CADM2: variants seen among roughly 807,000 people sequenced by gnomAD.
CADM2 encodes the protein cell adhesion molecule 2, also known as immunoglobulin superfamily member 4D.
A neutral mutation model predicts 49.8 loss-of-function variants in CADM2; 12 were observed. The observed-to-expected ratio is 0.24, with a 90% CI of 0.15 to 0.39. The LOEUF is 0.39. Ranked by LOEUF, CADM2 falls within the 10% of genes least tolerant of loss-of-function variation. The pLI, the probability that CADM2 is intolerant of heterozygous loss-of-function variation, is 1.00. For missense variants in CADM2, 378 were observed against 492.3 expected, an observed-to-expected ratio of 0.77 and a Z score of 2.20; for synonymous variants, 214 against 175.4, an observed-to-expected ratio of 1.22 and a Z score of -1.74.
chr3:85,517,353 G>GAA (rs1485463020), intron 1 of CADM2, among the ~76,000 whole-genome samples: 5 of 151,994 alleles, frequency 3.3e-5, no homozygotes, highest in Admixed American at 2.0e-4. Flanking sequence ...TTAGATCTCA[G>GAA]ATTATTAAAG....
chr3:85,804,893 G>A (rs1272430168), intron 3 of CADM2, among the ~76,000 whole-genome samples: 4 of 152,050 alleles, frequency 2.6e-5, no homozygotes, highest in African/African-American at 9.7e-5. Context: ...TCTTTACACT[G>A]CCTTGAAATA....
intron 1 of CADM2, among the ~76,000 whole-genome samples, chr3:85,270,873 A>G (rs1322824029): frequency 6.6e-6 from 1 of 151,474 alleles, no homozygotes; most frequent in African/African-American, 2.4e-5. Context: ...ATTTTATGAA[A>G]ATGTTTACAT....
rs1471636144 is a variant in CADM2 at position 85,163,782 on chromosome 3, A to G, written c.61+204114A>G. ...AAACCTTGATTGAGATGTAATTCAC[A>G]TATCATACTATTTACCCAATTAAAG... On this transcript the variant is annotated intron_variant, in intron 1 of 9. Transcript: ENST00000383699. Among the ~76,000 whole-genome samples the G allele has an allele frequency of 2.0e-5, 3 of 152,210 alleles. No homozygotes were observed. The East Asian group carries it at 5.8e-4, about 29-fold the overall frequency.
intron 1 of CADM2, among the ~76,000 whole-genome samples, chr3:84,986,667 C>G (rs1056754493): frequency 2.6e-5 from 4 of 151,424 alleles, no homozygotes; most frequent in African/African-American, 9.7e-5. Flanking sequence ...GACGAGTTAA[C>G]GGGTGCAGCA....
chr3:85,544,291 AGAG>A (rs773611024), intron 1 of CADM2, among the ~76,000 whole-genome samples: 32 of 152,280 alleles, frequency 2.1e-4, no homozygotes, highest in Non-Finnish European at 4.4e-4. Context: ...TATATAAAAA[AGAG>A]GAGGCCGGGC....
At chr3:85,992,338 G>GT (rs1224147130) in intron 8 of CADM2, 1 of 151,932 alleles carries the variant, frequency 6.6e-6, no homozygotes, top group Non-Finnish European at 1.5e-5. Context: ...TAAGTTTTTA[G>GT]TAAGTTTTAA....
At chr3:85,703,067 T>C (rs1319236224) in intron 1 of CADM2, among the ~76,000 whole-genome samples, 1 of 152,146 alleles carries the variant, frequency 6.6e-6, no homozygotes, top group Non-Finnish European at 1.5e-5. Context: ...TTAATACACA[T>C]ACACACATGT....
At chr3:85,969,704 A>G (rs1725878648) in intron 8 of CADM2, among the ~76,000 whole-genome samples, 1 of 150,906 alleles carries the variant, frequency 6.6e-6, no homozygotes, top group African/African-American at 2.4e-5. Flanking sequence ...CTAGACTATG[A>G]CCTCCTAGGA....
intron 1 of CADM2, among the ~76,000 whole-genome samples, chr3:85,487,953 T>G (rs1292306843): frequency 2.0e-5 from 3 of 152,168 alleles, no homozygotes; most frequent in Non-Finnish European, 4.4e-5. Context: ...ACACCCCATT[T>G]TACAATAGAT....
At chr3:85,769,514 C>CGTATATACATATATGTATATATACAT (rs2069923560) in intron 2 of CADM2, among the ~76,000 whole-genome samples, 2 of 62,326 alleles carry the variant, frequency 3.2e-5, no homozygotes, top group African/African-American at 1.4e-4. Flanking sequence ...TATATATACA[C>CGTATATACATATATGTATATATACAT]GTATATACAT....
chr3:85,531,903 T>G (rs2061320896), intron 1 of CADM2, among the ~76,000 whole-genome samples: 1 of 152,072 alleles, frequency 6.6e-6, no homozygotes, highest in African/African-American at 2.4e-5. Context: ...AAAGTCCAGG[T>G]GCGGTGGCTC....
intron 8 of CADM2, among the ~76,000 whole-genome samples, chr3:86,009,533 G>GA (rs983167522): frequency 3.3e-5 from 5 of 151,582 alleles, no homozygotes; most frequent in African/African-American, 1.2e-4. Context: ...GTTAAAACTT[G>GA]AAACAATAGT....
At chr3:86,006,621 A>T (rs1363480924) in intron 8 of CADM2, among the ~76,000 whole-genome samples, 2 of 152,160 alleles carry the variant, frequency 1.3e-5, no homozygotes, top group African/African-American at 4.8e-5. Flanking sequence ...GACTCCCTAG[A>T]GCTTCAGATA....
chr3:85,227,222 A>G (rs552798344), intron 1 of CADM2, among the ~76,000 whole-genome samples: 33 of 151,972 alleles, frequency 2.2e-4, no homozygotes, highest in Non-Finnish European at 4.1e-4. Flanking sequence ...TTGACAGTGG[A>G]GTGTTAAAAT....
intron 1 of CADM2, among the ~76,000 whole-genome samples, chr3:85,483,708 T>C (rs557735695): frequency 2.7e-5 from 4 of 150,652 alleles, no homozygotes; most frequent in Non-Finnish European, 5.9e-5. Flanking sequence ...TATCCAGATA[T>C]GTATATAATA....
intron 1 of CADM2, among the ~76,000 whole-genome samples, chr3:85,546,549 G>T (rs1377640977): frequency 2.6e-5 from 4 of 151,918 alleles, no homozygotes; most frequent in Admixed American, 6.6e-5. Context: ...TGGGCTCCAA[G>T]AAATTAAAAT....
chr3:85,454,336 T>C (rs1011332368), intron 1 of CADM2, among the ~76,000 whole-genome samples: 3 of 151,184 alleles, frequency 2.0e-5, no homozygotes, highest in African/African-American at 7.3e-5. Flanking sequence ...GTCACAAAAA[T>C]AAAAAGTTTT....
At chr3:85,182,429 T>C (rs931814933) in intron 1 of CADM2, among the ~76,000 whole-genome samples, 1 of 152,074 alleles carries the variant, frequency 6.6e-6, no homozygotes, top group East Asian at 1.9e-4. Flanking sequence ...GAATTTCACC[T>C]TGTGGTAGTC....
chr3:85,768,211 C>G (rs1474243149), intron 2 of CADM2, among the ~76,000 whole-genome samples: 1 of 151,964 alleles, frequency 6.6e-6, no homozygotes, highest in African/African-American at 2.4e-5. Context: ...CTTTGAGAGG[C>G]AGAGGCAGGC....
Sources: gnomAD v4.1 joint callset for allele counts (sites outside exome capture counted in the v4.1 genomes callset) on GRCh38, gnomAD v4.1.1 for gene constraint, MANE v1.5 for transcripts, NCBI Gene and HGNC (gene_info 2026-07-23, HGNC 2026-07-21) for gene names.